Variants in CSMD1 observed in about 807,000 individuals in gnomAD.
CSMD1 encodes CUB and Sushi multiple domains 1.
In CSMD1, 213 loss-of-function variants were observed where a neutral mutation model predicts 417.5. That is an observed-to-expected ratio of 0.51 (90% confidence interval 0.46 to 0.57). The LOEUF (loss-of-function observed/expected upper bound fraction) is 0.57. Among genes scored for constraint, CSMD1 ranks in the 20% least tolerant of loss-of-function variants. The probability of loss-of-function intolerance (pLI) is 0.00; values close to 1 mark genes in which losing one functional copy is unlikely to be tolerated. For synonymous variants in CSMD1, 2,862 were observed against 1,736.8 expected (o/e 1.65, Z -16.11); for missense variants, 6,923 against 4,529.7 (o/e 1.53, Z -15.17).
At chr8:4,707,886 C>CAAAAAAAA (rs552510236) in intron 1 of CSMD1, among the ~76,000 whole-genome samples, 24 of 100,846 alleles carry the variant, frequency 2.4e-4, no homozygotes, top group Non-Finnish European at 3.8e-4. Context: ...GACTTTGTTT[C>CAAAAAAAA]AAAAAAAAAA....
At chr8:4,016,167 C>A (rs559615962) in intron 4 of CSMD1, among the ~76,000 whole-genome samples, 1 of 152,198 alleles carries the variant, frequency 6.6e-6, no homozygotes, top group East Asian at 1.9e-4. Flanking sequence ...AAGCATTGAA[C>A]GTTCATAACG....
chr8:3,002,794 G>A (rs956725136), intron 52 of CSMD1, among the ~76,000 whole-genome samples: 2 of 152,204 alleles, frequency 1.3e-5, no homozygotes, highest in Non-Finnish European at 2.9e-5. Flanking sequence ...CAGCAAGCCT[G>A]ACAGCCATGA....
At chr8:4,429,828 G>A (rs1369767572) in intron 2 of CSMD1, among the ~76,000 whole-genome samples, 1 of 151,478 alleles carries the variant, frequency 6.6e-6, no homozygotes, top group Non-Finnish European at 1.5e-5. Flanking sequence ...GATCTCATTG[G>A]CTCGGGAAGA....
At chr8:4,423,735 C>G (rs370581594) in intron 2 of CSMD1, among the ~76,000 whole-genome samples, 3 of 147,512 alleles carry the variant, frequency 2.0e-5, no homozygotes, top group African/African-American at 7.4e-5. Flanking sequence ...GGCAAACAAA[C>G]AAAAAAAAAT....
intron 2 of CSMD1, among the ~76,000 whole-genome samples, chr8:4,628,493 A>T (rs982349781): frequency 1.6e-5 from 2 of 128,988 alleles, no homozygotes; most frequent in African/African-American, 5.3e-5. Flanking sequence ...CAGTATCAGT[A>T]TATACACACA....
intron 26 of CSMD1, among the ~76,000 whole-genome samples, chr8:3,275,263 C>G (rs992083497): frequency 3.9e-5 from 6 of 152,170 alleles, no homozygotes; most frequent in Non-Finnish European, 8.8e-5. Flanking sequence ...GGCCACCGCT[C>G]TCTTCTGGCT....
intron 3 of CSMD1, among the ~76,000 whole-genome samples, chr8:4,276,620 C>G (rs192113590): frequency 4.3e-4 from 65 of 152,198 alleles, no homozygotes; most frequent in African/African-American, 1.5e-3. Flanking sequence ...AAAAGTGATA[C>G]ACATAATTTT....
chr8:4,240,410 C>A (rs1802324878), intron 3 of CSMD1, among the ~76,000 whole-genome samples: 1 of 152,244 alleles, frequency 6.6e-6, no homozygotes, highest in African/African-American at 2.4e-5. Context: ...CCTTTGCCTG[C>A]TCTGATCCCT....
chr8:3,675,528 G>C (rs1011690403), intron 7 of CSMD1, among the ~76,000 whole-genome samples: 70 of 152,084 alleles, frequency 4.6e-4, no homozygotes, highest in African/African-American at 1.6e-3. Flanking sequence ...TCTCCAATGA[G>C]ATGGTGTTTG....
intron 7 of CSMD1, among the ~76,000 whole-genome samples, chr8:3,634,487 C>G (rs886317040): frequency 6.6e-6 from 1 of 152,156 alleles, no homozygotes; most frequent in Non-Finnish European, 1.5e-5. Context: ...AGTGGACAAC[C>G]GCAAGTTTGA....
At position 3,155,994 on chromosome 8, in the gene CSMD1, G is replaced by C. The variant is rs571037480; in HGVS notation, c.5914+1903C>G. On this transcript the variant is annotated intron_variant, in intron 39 of 69. Transcript: ENST00000635120. Reference sequence around the variant, plus strand: ...CCATTGAATACCTAAATTTATTTGAGATGTGGGGAAATTAGGCTGTCAGAA... The same window carrying C: ...CCATTGAATACCTAAATTTATTTGACATGTGGGGAAATTAGGCTGTCAGAA... Among the ~76,000 whole-genome samples the C allele has an allele frequency of 2.0e-5, 3 of 152,296 alleles. No individual in the cohort carries two copies. The South Asian group carries it at 6.2e-4, about 32-fold the overall frequency.
intron 4 of CSMD1, among the ~76,000 whole-genome samples, chr8:4,008,872 A>G (rs1002051268): frequency 3.3e-5 from 5 of 151,894 alleles, no homozygotes; most frequent in African/African-American, 1.2e-4. Context: ...GGCCTCCCAA[A>G]GTGCTGGGAT....
chr8:3,723,128 C>T (rs893901283), intron 6 of CSMD1, among the ~76,000 whole-genome samples: 58 of 152,084 alleles, frequency 3.8e-4, no homozygotes, highest in African/African-American at 1.1e-3. Flanking sequence ...AAGTCCAATT[C>T]GGTGGTTCTA....
At chr8:4,988,729 A>G (rs1412028203) in intron 1 of CSMD1, among the ~76,000 whole-genome samples, 1 of 152,210 alleles carries the variant, frequency 6.6e-6, no homozygotes, top group Non-Finnish European at 1.5e-5. Context: ...CTCTCCCATA[A>G]AGTACAGGTT....
intron 17 of CSMD1, among the ~76,000 whole-genome samples, chr8:3,392,675 C>T (rs770065779): frequency 1.3e-5 from 2 of 152,206 alleles, no homozygotes; most frequent in South Asian, 4.2e-4. Flanking sequence ...TGATTTTCAT[C>T]ATGAGTTCCC....
intron 1 of CSMD1, among the ~76,000 whole-genome samples, chr8:4,662,621 T>C (rs937779255): frequency 6.6e-6 from 1 of 152,182 alleles, no homozygotes; most frequent in Non-Finnish European, 1.5e-5. Context: ...ATTTCTCACA[T>C]CATGTTCTTC....
At chr8:3,773,883 A>C (rs1335842821) in intron 5 of CSMD1, among the ~76,000 whole-genome samples, 1 of 152,178 alleles carries the variant, frequency 6.6e-6, no homozygotes, top group Non-Finnish European at 1.5e-5. Flanking sequence ...TGCTGAGGAA[A>C]ATGCAAACCA....
At chr8:3,703,197 T>C (rs1269505114) in intron 7 of CSMD1, among the ~76,000 whole-genome samples, 1 of 152,204 alleles carries the variant, frequency 6.6e-6, no homozygotes, top group Non-Finnish European at 1.5e-5. Context: ...AGAGTCGCCC[T>C]CACCGCACAG....
intron 5 of CSMD1, among the ~76,000 whole-genome samples, chr8:3,789,457 T>A (rs1227317834): frequency 2.5e-5 from 3 of 118,458 alleles, no homozygotes; most frequent in Admixed American, 1.8e-4. Context: ...TTTTTTTTTT[T>A]AAGTAAGGGA....
Sources: gnomAD v4.1 joint callset for allele counts (sites outside exome capture counted in the v4.1 genomes callset) on GRCh38, gnomAD v4.1.1 for gene constraint, MANE v1.5 for transcripts, NCBI Gene and HGNC (gene_info 2026-07-23, HGNC 2026-07-21) for gene names.